Variants in NTM observed in about 807,000 individuals in gnomAD.
NTM encodes the protein IgLON family member 2.
Under a neutral mutation model 42.1 loss-of-function variants are expected in NTM, and 13 were observed. The observed-to-expected ratio is 0.31, with a 90% CI of 0.20 to 0.49. The LOEUF is 0.49. NTM is among the 20% of genes least tolerant of loss of function. NTM has a pLI of 0.99. For synonymous variants in NTM, 187 were observed against 179.2 expected (o/e 1.04, Z -0.35); for missense variants, 373 against 452.8 (o/e 0.82, Z 1.60).
At chr11:132,179,188 A>T (rs2077207347) in intron 3 of NTM, among the ~76,000 whole-genome samples, 1 of 152,176 alleles carries the variant, frequency 6.6e-6, no homozygotes, top group Admixed American at 6.6e-5. Context: ...GAGGATCAAA[A>T]CCAAACCGGA....
intron 2 of NTM, among the ~76,000 whole-genome samples, chr11:132,032,637 CT>C (rs1456219376): frequency 2.6e-5 from 4 of 152,162 alleles, no homozygotes; most frequent in Non-Finnish European, 5.9e-5. Context: ...ACTCCAACAT[CT>C]GTTCAGCTCT....
Position 131,578,780 on chromosome 11 carries a change from T to C in NTM, c.82+207892T>C, listed in dbSNP as rs540593128. On this transcript the variant is annotated intron_variant, in intron 1 of 8. Coordinates refer to ENST00000683400, the MANE Select transcript of NTM (RefSeq NM_001352005.2). ...TGAGGATCCAGTTCCCTTATGCTTA[T>C]GTAGTATTTATTATTTTGACAGTTT... Among the ~76,000 whole-genome samples the C allele has an allele frequency of 6.6e-4, 101 of 152,292 alleles. 1 individual carries two copies. Among genetic ancestry groups the C allele is most frequent in the African/African-American group, 2.4e-3 (98 of 41,564 alleles).
intron 1 of NTM, among the ~76,000 whole-genome samples, chr11:131,371,542 G>A (rs1033344121): frequency 2.0e-5 from 3 of 152,200 alleles, no homozygotes; most frequent in African/African-American, 7.2e-5. Context: ...TTTCGAAGTT[G>A]AAGGGAGAGA....
At chr11:132,077,688 G>C (rs149799122) in intron 2 of NTM, among the ~76,000 whole-genome samples, 1 of 152,352 alleles carries the variant, frequency 6.6e-6, no homozygotes, top group South Asian at 2.1e-4. Flanking sequence ...TTACCAGACA[G>C]TGGTCTCAAA....
intron 2 of NTM, among the ~76,000 whole-genome samples, chr11:132,104,942 T>C (rs1336391340): frequency 4.6e-4 from 5 of 10,870 alleles, no homozygotes; most frequent in Admixed American, 3.3e-3. Context: ...CATATGTATA[T>C]ATATATATAT....
chr11:132,002,344 A>G lies in NTM; in HGVS notation c.167+90696A>G, dbSNP rs2069489408. 6.6e-6 allele frequency among the ~76,000 whole-genome samples: 1 copy of G among 152,212 alleles called. No homozygotes were observed. The highest frequency in any genetic ancestry group is 1.5e-5 in the Non-Finnish European group (1 of 68,038). On this transcript the variant is annotated intron_variant, in intron 2 of 8. Coordinates refer to ENST00000683400, the MANE Select transcript of NTM (RefSeq NM_001352005.2). The surrounding 1 kb of genome is among the most constrained non-coding windows in gnomAD (Gnocchi z 4.5). The stretch of plus-strand genomic sequence containing the variant: ...ACATTAATATGCTGGTGTATCATAT[A>G]TTTTAATAAGAATTCAGAAATGGGA...
intron 2 of NTM, among the ~76,000 whole-genome samples, chr11:131,989,287 A>G (rs1334841414): frequency 2.6e-5 from 4 of 152,212 alleles, no homozygotes; most frequent in Non-Finnish European, 5.9e-5. Flanking sequence ...GCAATTTTTA[A>G]TTTATAAAAC....
chr11:132,076,397 T>C (rs985701351), intron 2 of NTM, among the ~76,000 whole-genome samples: 5 of 152,146 alleles, frequency 3.3e-5, no homozygotes, highest in Non-Finnish European at 7.4e-5. Context: ...TGTTCCAAGG[T>C]TGGAGAAAGA....
At chr11:131,602,413 CAA>C in intron 1 of NTM, among the ~76,000 whole-genome samples, 1 of 152,292 alleles carries the variant, frequency 6.6e-6, no homozygotes, top group African/African-American at 2.4e-5. Flanking sequence ...ATATCCTTCT[CAA>C]AAAGTCGGTC....
At chr11:131,514,752 C>T (rs1168042022) in intron 1 of NTM, among the ~76,000 whole-genome samples, 2 of 151,882 alleles carry the variant, frequency 1.3e-5, no homozygotes, top group African/African-American at 4.8e-5. Context: ...CCACGCCTGA[C>T]TAAGTTTTGT....
chr11:132,318,775 ACCTCACCCCACCCTGTTCATCC>A (rs1471661558), intron 7 of NTM, among the ~76,000 whole-genome samples: 1 of 151,730 alleles, frequency 6.6e-6, no homozygotes, highest in Admixed American at 6.6e-5. Flanking sequence ...TCCTCTCCCC[ACCTCACCCCACCCTGTTCATCC>A]CCTCACATTC....
intron 4 of NTM, among the ~76,000 whole-genome samples, chr11:132,264,184 CTGCCAGTGTGATA>C (rs1244290434): frequency 6.6e-6 from 1 of 152,188 alleles, no homozygotes; most frequent in Non-Finnish European, 1.5e-5. Flanking sequence ...GTTTACGTTT[CTGCCAGTGTGATA>C]GGCAGGAAAT....
At chr11:131,727,960 C>T (rs2079155826) in intron 1 of NTM, among the ~76,000 whole-genome samples, 1 of 152,312 alleles carries the variant, frequency 6.6e-6, no homozygotes, top group African/African-American at 2.4e-5. Flanking sequence ...GCAGGGCCAG[C>T]TTGTATACCA....
Position 132,179,111 on chromosome 11 carries a change from A to C in NTM, c.400+32597A>C, listed in dbSNP as rs565055626. ...GAATTGCTCTTCTCAAAGAGTTTTCAGGAAACTCCACCCTCTGCTAAAATA... is the reference window on the plus strand; with the variant it reads ...GAATTGCTCTTCTCAAAGAGTTTTCCGGAAACTCCACCCTCTGCTAAAATA... On this transcript the variant is annotated intron_variant, in intron 3 of 8. Coordinates refer to ENST00000683400, the MANE Select transcript of NTM (RefSeq NM_001352005.2). Among the ~76,000 whole-genome samples, 236 of 152,314 alleles carry C rather than the reference A, an allele frequency of 1.5e-3. 1 individual carries two copies. Among genetic ancestry groups the C allele is most frequent in the African/African-American group, 4.8e-3 (201 of 41,568 alleles).
intron 1 of NTM, among the ~76,000 whole-genome samples, chr11:131,760,640 A>G (rs2084010127): frequency 6.6e-6 from 1 of 152,152 alleles, no homozygotes; most frequent in South Asian, 2.1e-4. Flanking sequence ...TAATAGAGAT[A>G]ACCCTGCTGA....
chr11:132,032,853 A>G (rs917999083), intron 2 of NTM, among the ~76,000 whole-genome samples: 2 of 152,224 alleles, frequency 1.3e-5, no homozygotes, highest in Non-Finnish European at 2.9e-5. Flanking sequence ...TGTTATGTGT[A>G]TATATTTTTC....
chr11:131,497,436 C>T (rs1955467394), intron 1 of NTM, among the ~76,000 whole-genome samples: 1 of 152,158 alleles, frequency 6.6e-6, no homozygotes, highest in Non-Finnish European at 1.5e-5. Context: ...ATCTGCCCGC[C>T]TTGGCCTTCC....
intron 1 of NTM, among the ~76,000 whole-genome samples, chr11:131,824,484 T>C (rs1592110167): frequency 6.6e-6 from 1 of 152,204 alleles, no homozygotes; most frequent in African/African-American, 2.4e-5. Context: ...TCTGTAATAG[T>C]AGAAAGCGTA....
chr11:131,767,414 C>G (rs949117105), intron 1 of NTM, among the ~76,000 whole-genome samples: 1 of 152,144 alleles, frequency 6.6e-6, no homozygotes, highest in Non-Finnish European at 1.5e-5. Context: ...AAAAGAAAAT[C>G]TACATGCTGT....
Sources: gnomAD v4.1 joint callset for allele counts (sites outside exome capture counted in the v4.1 genomes callset) on GRCh38, gnomAD v4.1.1 for gene constraint, Gnocchi (gnomAD v3.1) non-coding constraint, MANE v1.5 for transcripts, NCBI Gene and HGNC (gene_info 2026-07-23, HGNC 2026-07-21) for gene names.